Variants in PIK3C2G observed in about 807,000 individuals in gnomAD.
The protein encoded by PIK3C2G is phosphatidylinositol 3-kinase C2 domain-containing subunit gamma.
PIK3C2G carries 168 observed loss-of-function variants against 181.1 expected under a neutral mutation model. The ratio of observed to expected loss-of-function variants is 0.93; its 90% CI spans 0.82 to 1.05. The LOEUF (loss-of-function observed/expected upper bound fraction) is 1.05, where lower values mean the gene tolerates loss of function less well. Among genes scored for constraint, PIK3C2G ranks in the 50% least tolerant of loss-of-function variants. PIK3C2G has a pLI of 0.00. For missense variants in PIK3C2G, 1,869 were observed against 1,732.8 expected (o/e 1.08, Z -1.40); for synonymous variants, 573 against 592.2 (o/e 0.97, Z 0.47).
intron 18 of PIK3C2G, among the ~76,000 whole-genome samples, chr12:18,430,373 A>C (rs1946087660): frequency 6.6e-6 from 1 of 152,144 alleles, no homozygotes; most frequent in African/African-American, 2.4e-5. Flanking sequence ...GTGTCACTTA[A>C]GGCACCTAAT....
chr12:18,689,333 G>A, the PIK3C2G span, among the ~76,000 whole-genome samples: 1 of 152,260 alleles, frequency 6.6e-6, no homozygotes, highest in East Asian at 1.9e-4. Context: ...AACTGAATGA[G>A]AATTTAGGGC....
chr12:18,389,001 G>A (rs1023882841), intron 14 of PIK3C2G, among the ~76,000 whole-genome samples: 1 of 152,196 alleles, frequency 6.6e-6, no homozygotes, highest in Non-Finnish European at 1.5e-5. Flanking sequence ...GTGAGAAATA[G>A]ATGTCATGGC....
chr12:18,318,972 C>G (rs1300271248), intron 6 of PIK3C2G, among the ~76,000 whole-genome samples: 1 of 151,930 alleles, frequency 6.6e-6, no homozygotes, highest in African/African-American at 2.4e-5. Context: ...ATAATCCCAG[C>G]TACTCAGGAT....
chr12:18,247,414 A>G (rs1056248166), upstream of PIK3C2G, among the ~76,000 whole-genome samples: 1 of 152,152 alleles, frequency 6.6e-6, no homozygotes, highest in Non-Finnish European at 1.5e-5. Flanking sequence ...GACACACACC[A>G]AGAGTTTAGG....
At chr12:18,686,110 A>G in the PIK3C2G span, among the ~76,000 whole-genome samples, 1 of 151,998 alleles carries the variant, frequency 6.6e-6, no homozygotes, top group Non-Finnish European at 1.5e-5. Flanking sequence ...ACTTCTGCGC[A>G]GTGTTTCTCA....
At chr12:18,654,077 C>T in the PIK3C2G span, among the ~76,000 whole-genome samples, 1 of 151,850 alleles carries the variant, frequency 6.6e-6, no homozygotes. Flanking sequence ...ATGTGTCAAA[C>T]TGAGTAGTAA....
chr12:18,643,935 C>A (rs1949980850), intron 32 of PIK3C2G, among the ~76,000 whole-genome samples: 1 of 152,176 alleles, frequency 6.6e-6, no homozygotes, highest in African/African-American at 2.4e-5. Flanking sequence ...TTATATAAAT[C>A]TCTCAGAGGA....
chr12:18,261,368 C>A (rs1334868485), upstream of PIK3C2G, among the ~76,000 whole-genome samples: 6 of 152,046 alleles, frequency 3.9e-5, no homozygotes, highest in Non-Finnish European at 7.4e-5. Flanking sequence ...TATGTCAATG[C>A]AAACCTTTTT....
intron 29 of PIK3C2G, among the ~76,000 whole-genome samples, chr12:18,579,463 T>C (rs995493715): frequency 1.3e-5 from 2 of 152,162 alleles, no homozygotes; most frequent in African/African-American, 2.4e-5. Flanking sequence ...AAGAGGTCTC[T>C]GGGGATTTGT....
chr12:18,663,211 G>C, the PIK3C2G span, among the ~76,000 whole-genome samples: 8 of 151,996 alleles, frequency 5.3e-5, no homozygotes, highest in South Asian at 2.1e-4. Flanking sequence ...CATAGTACTG[G>C]ATACTCTATC....
At chr12:18,585,166 A>C (rs1487425413) in intron 29 of PIK3C2G, among the ~76,000 whole-genome samples, 1 of 152,182 alleles carries the variant, frequency 6.6e-6, no homozygotes, top group African/African-American at 2.4e-5. Context: ...TAACAATACA[A>C]TTACAGGATC....
rs760221479 is a variant in PIK3C2G at position 18,648,063 on chromosome 12, A to T, written c.*35A>T. The T allele has an allele frequency of 3.9e-5, 55 of 1,400,366 alleles. 1 individual carries two copies. The South Asian group carries it at 8.4e-4, about 21-fold the overall frequency. 86.7% of individuals were successfully genotyped at this position (1,400,366 alleles called of 1,614,324 possible). ...TGAACATATGCATTATTCATTAACT[A>T]CTTGTATTTTTTTCACTTCTGGGCC... On this transcript the variant is annotated 3_prime_UTR_variant, in exon 33 of 33. Transcript: ENST00000538779.
At chr12:18,503,000 G>A (rs1312071935) in intron 22 of PIK3C2G, among the ~76,000 whole-genome samples, 1 of 152,156 alleles carries the variant, frequency 6.6e-6, no homozygotes, top group Non-Finnish European at 1.5e-5. Context: ...ACTCAGTGGG[G>A]TCTCTGTTCA....
intron 24 of PIK3C2G, among the ~76,000 whole-genome samples, chr12:18,535,485 A>T (rs1006209356): frequency 6.6e-6 from 1 of 152,072 alleles, no homozygotes; most frequent in Admixed American, 6.6e-5. Context: ...AATAATGGTG[A>T]CTATGGACAA....
chr12:18,498,873 C>T (rs1295977299), intron 22 of PIK3C2G, among the ~76,000 whole-genome samples: 1 of 152,164 alleles, frequency 6.6e-6, no homozygotes, highest in Non-Finnish European at 1.5e-5. Context: ...AGTCATTTAT[C>T]CTTGCTACCA....
chr12:18,593,808 A>G (rs1028850099), intron 29 of PIK3C2G, among the ~76,000 whole-genome samples: 1 of 151,984 alleles, frequency 6.6e-6, no homozygotes, highest in African/African-American at 2.4e-5. Context: ...ATTATTTATA[A>G]CTGAAATTTT....
chr12:18,496,178 G>T, intron 21 of PIK3C2G, 24 bp downstream of exon 21: 2 of 1,300,258 alleles, frequency 1.5e-6, no homozygotes, highest in Middle Eastern at 3.8e-4. Flanking sequence ...CTTAAAACAT[G>T]AATTGATTCC....
At chr12:18,487,855 A>C (rs2136049071) in intron 18 of PIK3C2G, among the ~76,000 whole-genome samples, 1 of 151,324 alleles carries the variant, frequency 6.6e-6, no homozygotes, top group South Asian at 2.1e-4. Context: ...AAGATAAATA[A>C]ATAAAAACTC....
intron 24 of PIK3C2G, among the ~76,000 whole-genome samples, chr12:18,522,068 A>G (rs1263758258): frequency 3.3e-5 from 5 of 152,206 alleles, no homozygotes; most frequent in African/African-American, 7.2e-5. Context: ...GGGTCACACC[A>G]GCTGCCTACT....
Sources: gnomAD v4.1 joint callset for allele counts (sites outside exome capture counted in the v4.1 genomes callset) on GRCh38, gnomAD v4.1.1 for gene constraint, MANE v1.5 for transcripts, NCBI Gene and HGNC (gene_info 2026-07-23, HGNC 2026-07-21) for gene names.